HSPA4: variants seen among roughly 807,000 people sequenced by gnomAD.
HSPA4 encodes heat shock 70 kDa protein 4.
In HSPA4, 25 loss-of-function variants were observed where a neutral mutation model predicts 106.2. The ratio of observed to expected loss-of-function variants is 0.24; its 90% CI spans 0.17 to 0.33. The LOEUF (loss-of-function observed/expected upper bound fraction) is 0.33. Among genes scored for constraint, HSPA4 ranks in the 10% least tolerant of loss-of-function variants. HSPA4 has a pLI of 1.00. For synonymous variants in HSPA4, 332 were observed against 333.6 expected, an observed-to-expected ratio of 1.00 and a Z score of 0.05; for missense variants, 841 against 996.0, an observed-to-expected ratio of 0.84 and a Z score of 2.10.
intron 7 of HSPA4, among the ~76,000 whole-genome samples, chr5:133,077,638 C>T (rs1214797804): frequency 7.1e-6 from 1 of 140,392 alleles, no homozygotes; most frequent in African/African-American, 2.7e-5. Context: ...CGGGGTTATC[C>T]TCAGAAACTA....
chr5:133,093,651 C>T (rs1581479534), intron 13 of HSPA4, among the ~76,000 whole-genome samples: 2 of 152,002 alleles, frequency 1.3e-5, no homozygotes, highest in African/African-American at 4.8e-5. Flanking sequence ...CCATCACGCC[C>T]GGATAATTTC....
At chr5:133,089,876 T>G (rs186217332) in intron 11 of HSPA4, among the ~76,000 whole-genome samples, 181 bp downstream of exon 11, 134 of 152,196 alleles carry the variant, frequency 8.8e-4, no homozygotes, top group African/African-American at 3.2e-3. Flanking sequence ...AAAAAGCTTA[T>G]CTACTTGGAG....
Position 133,076,788 on chromosome 5 carries a change from C to G in HSPA4, c.798C>G (p.Leu266=), listed in dbSNP as rs765974054. 18 of 1,613,832 alleles carry G rather than the reference C, an allele frequency of 1.1e-5. No homozygotes were observed. Among genetic ancestry groups the G allele is most frequent in the Non-Finnish European group, 1.5e-5 (18 of 1,179,890 alleles). ...CCAAAATCCGTGCATTATTACGACT[C>G]TCTCAGGAGTGTGAGAAACTCAAGA... ...IKSKIRALLR[L]SQECEKLKKL... is the part of the protein sequence containing the mutation. The change falls in exon 7 of 19, where the codon CTC becomes CTG. Residue 266 remains leucine (L), a synonymous_variant. Coordinates refer to ENST00000304858, the MANE Select transcript of HSPA4 (RefSeq NM_002154.4).
At chr5:133,072,647 TCCAC>T (rs1479974786) in intron 4 of HSPA4, among the ~76,000 whole-genome samples, 2 of 151,108 alleles carry the variant, frequency 1.3e-5, no homozygotes, top group East Asian at 3.9e-4. Flanking sequence ...CATCAGGTGA[TCCAC>T]CCACCACGGC....
intron 6 of HSPA4, among the ~76,000 whole-genome samples, chr5:133,075,044 G>A (rs141695319): frequency 6.6e-6 from 1 of 152,158 alleles, no homozygotes; most frequent in South Asian, 2.1e-4. Flanking sequence ...TGGTAATTTT[G>A]GAGGCATTTT....
intron 7 of HSPA4, among the ~76,000 whole-genome samples, chr5:133,080,854 G>C (rs1300301666): frequency 6.6e-6 from 1 of 151,882 alleles, no homozygotes; most frequent in Admixed American, 6.6e-5. Context: ...CACTTTTATT[G>C]AGATATAATT....
chr5:133,099,342 A>T (rs1475675827), intron 15 of HSPA4, among the ~76,000 whole-genome samples: 1 of 151,752 alleles, frequency 6.6e-6, no homozygotes, highest in African/African-American at 2.4e-5. Context: ...CATGTTGGCC[A>T]GGCTGTTCTT....
intron 10 of HSPA4, 93 bp from the exon 11 acceptor site, chr5:133,089,469 C>A: frequency 9.0e-7 from 1 of 1,112,716 alleles, no homozygotes. Flanking sequence ...GAGAGAGAAA[C>A]TAACACTGTA....
chr5:133,079,036 C>A (rs1000855697), intron 7 of HSPA4, among the ~76,000 whole-genome samples: 1 of 152,144 alleles, frequency 6.6e-6, no homozygotes, highest in Non-Finnish European at 1.5e-5. Context: ...GCCTGGCCCC[C>A]TTCATTTAGT....
At chr5:133,067,748 G>A (rs550112722) in intron 3 of HSPA4, among the ~76,000 whole-genome samples, 191 bp downstream of exon 3, 1 of 152,234 alleles carries the variant, frequency 6.6e-6, no homozygotes, top group South Asian at 2.1e-4. Flanking sequence ...GCCATGAGTG[G>A]TGCTCTTAAT....
At chr5:133,053,266 T>C (rs1050342378) in intron 1 of HSPA4, among the ~76,000 whole-genome samples, 1 of 152,128 alleles carries the variant, frequency 6.6e-6, no homozygotes, top group Non-Finnish European at 1.5e-5. Context: ...TAATCCGTTG[T>C]CGTGTTCTTA....
intron 1 of HSPA4, among the ~76,000 whole-genome samples, chr5:133,061,246 C>T (rs1368594358): frequency 2.0e-5 from 3 of 151,832 alleles, no homozygotes; most frequent in African/African-American, 7.3e-5. Context: ...CCTCAGCCTC[C>T]CAAGTAGCTG....
In HSPA4 at chr5:133,072,392, G is replaced by GTTTTTTTT. The variant is rs748459297; in HGVS notation, c.430-822_430-815dup. On this transcript the variant is annotated intron_variant, in intron 4 of 18. Transcript: ENST00000304858. ...GTTCTGCCTAGCCTGGTCCAGGGTT[G>GTTTTTTTT]TTTTTTTTTTTTTTTTTTTTTTTGG... Among the ~76,000 whole-genome samples the GTTTTTTTT allele has an allele frequency of 4.6e-3, 347 of 75,722 alleles. 11 individuals are homozygous for GTTTTTTTT. Among genetic ancestry groups the GTTTTTTTT allele is most frequent in the African/African-American group, 5.1e-3 (96 of 18,862 alleles). The allele number at this position is 75,722 out of a possible 152,430, so 49.7% of individuals were successfully genotyped here. A position where few individuals can be genotyped will look rare whatever the true frequency, so the allele number is the denominator to read the frequency against.
chr5:133,090,430 CAAA>C (rs56263518), intron 11 of HSPA4, among the ~76,000 whole-genome samples: 690 of 54,712 alleles, frequency 0.013, no homozygotes, highest in African/African-American at 0.024. Flanking sequence ...GACTCTGTCT[CAAA>C]AAAAAAAAAA....
At chr5:133,078,635 CAAAA>C (rs57393822) in intron 7 of HSPA4, among the ~76,000 whole-genome samples, 8 of 79,574 alleles carry the variant, frequency 1.0e-4, no homozygotes, top group South Asian at 9.8e-4. Context: ...ACACTGTCTC[CAAAA>C]AAAAAAAAAA....
In HSPA4 at chr5:133,073,966, T is replaced by A. The variant is rs751025143; in HGVS notation, c.530-27T>A. 3.9e-6 allele frequency: 6 copies of A among 1,520,270 alleles called. No individual in the cohort carries two copies. The South Asian group carries it at 7.6e-5, about 19-fold the overall frequency. The allele number at this position is 1,520,270 out of a possible 1,614,324, so 94.2% of individuals were successfully genotyped here. The stretch of plus-strand genomic sequence containing the variant: ...AATTTTATTTACTTAGACGTTATTT[T>A]TAATTTTTGTGTTTTTTCTTCTGTA... On this transcript the variant is annotated intron_variant, in intron 5 of 18. Transcript: ENST00000304858.
chr5:133,086,960 A>G (rs1765585775), intron 8 of HSPA4, 102 bp downstream of exon 8: 5 of 870,552 alleles, frequency 5.7e-6, no homozygotes, highest in East Asian at 2.6e-5. Flanking sequence ...TTTTTATTGT[A>G]TGAACTAATT....
At chr5:133,063,652 C>T (rs566924697) in intron 1 of HSPA4, among the ~76,000 whole-genome samples, 6 of 151,928 alleles carry the variant, frequency 3.9e-5, no homozygotes, top group African/African-American at 9.7e-5. Flanking sequence ...TGGCTGGTCT[C>T]GAACTCCAGA....
At chr5:133,063,322 C>T (rs184691374) in intron 1 of HSPA4, among the ~76,000 whole-genome samples, 15 of 151,258 alleles carry the variant, frequency 9.9e-5, no homozygotes, top group African/African-American at 3.4e-4. Context: ...TTTCGCCATG[C>T]TGCCCAGGCT....
Sources: gnomAD v4.1 joint callset for allele counts (sites outside exome capture counted in the v4.1 genomes callset) on GRCh38, gnomAD v4.1.1 for gene constraint, MANE v1.5 for transcripts, NCBI Gene and HGNC (gene_info 2026-07-23, HGNC 2026-07-21) for gene names.